DSCAM: variants seen among roughly 807,000 people sequenced by gnomAD.
DSCAM encodes cell adhesion molecule DSCAM.
A neutral mutation model predicts 217.7 loss-of-function variants in DSCAM; 47 were observed. That is an observed-to-expected ratio of 0.22 (90% CI 0.17 to 0.28). The LOEUF is 0.28. Ranked by LOEUF, DSCAM falls within the 10% of genes least tolerant of loss-of-function variation. The probability of loss-of-function intolerance (pLI) is 1.00; values close to 1 mark genes in which losing one functional copy is unlikely to be tolerated. For missense variants in DSCAM, 2,080 were observed against 2,618.3 expected, an observed-to-expected ratio of 0.79 and a Z score of 4.49; for synonymous variants, 1,056 against 1,015.3, an observed-to-expected ratio of 1.04 and a Z score of -0.76.
At chr21:40,436,248 C>A (rs1003515937) in intron 3 of DSCAM, among the ~76,000 whole-genome samples, 7 of 152,134 alleles carry the variant, frequency 4.6e-5, no homozygotes, top group Non-Finnish European at 8.8e-5. Context: ...TGATGTATTT[C>A]TTCATCTAAA....
intron 16 of DSCAM, among the ~76,000 whole-genome samples, chr21:40,161,309 G>A (rs2090538559): frequency 6.6e-6 from 1 of 151,866 alleles, no homozygotes; most frequent in Admixed American, 6.6e-5. Flanking sequence ...CATTCCAAAT[G>A]GTATAAATAA....
At chr21:40,139,880 T>A (rs2090267842) in intron 18 of DSCAM, among the ~76,000 whole-genome samples, 1 of 149,570 alleles carries the variant, frequency 6.7e-6, no homozygotes, top group Non-Finnish European at 1.5e-5. Context: ...GTGTTGTGTG[T>A]GCATGTGGGG....
intron 11 of DSCAM, among the ~76,000 whole-genome samples, chr21:40,219,446 A>G (rs1189145659): frequency 3.3e-5 from 5 of 152,360 alleles, no homozygotes; most frequent in Admixed American, 3.3e-4. Context: ...ATATTGAATT[A>G]GGCTGATGCA....
chr21:40,193,886 G>T (rs777330721), intron 11 of DSCAM, among the ~76,000 whole-genome samples: 15 of 152,136 alleles, frequency 9.9e-5, no homozygotes, highest in Non-Finnish European at 1.9e-4. Context: ...TGAAGTAAGG[G>T]TTTCTGTCCT....
chr21:40,440,343 C>T (rs1484419461), intron 3 of DSCAM, among the ~76,000 whole-genome samples: 2 of 152,150 alleles, frequency 1.3e-5, no homozygotes, highest in Admixed American at 6.5e-5. Context: ...AGGGCTACCC[C>T]ATATGGCAGG....
chr21:40,746,091 A>G lies in DSCAM; in HGVS notation c.44-37320T>C, dbSNP rs556929655. Among the ~76,000 whole-genome samples the G allele has an allele frequency of 1.1e-4, 16 of 151,932 alleles. No individual in the cohort carries two copies. The South Asian group carries it at 2.1e-3, about 20-fold the overall frequency. ...AATGAGCATGAAATCAAAACATACT[A>G]CTAGAAAAAAAAAATCTCTCAAGGA... On this transcript the variant is annotated intron_variant, in intron 1 of 32. Coordinates refer to ENST00000400454, the MANE Select transcript of DSCAM (RefSeq NM_001389.5).
At chr21:40,356,446 C>A (rs1027892096) in intron 4 of DSCAM, among the ~76,000 whole-genome samples, 20 of 150,236 alleles carry the variant, frequency 1.3e-4, no homozygotes, top group African/African-American at 4.9e-4. Context: ...TAAATATATA[C>A]AATTTTCATT....
intron 20 of DSCAM, among the ~76,000 whole-genome samples, chr21:40,101,392 G>C (rs2089748487): frequency 6.6e-6 from 1 of 152,158 alleles, no homozygotes; most frequent in African/African-American, 2.4e-5. Flanking sequence ...GAGAAGAACA[G>C]GGCTCTCTCT....
intron 1 of DSCAM, among the ~76,000 whole-genome samples, chr21:40,802,944 C>T (rs964819134): frequency 1.3e-5 from 2 of 152,154 alleles, no homozygotes; most frequent in African/African-American, 4.8e-5. Flanking sequence ...ACGCAGCTGA[C>T]CACACCTCAC....
chr21:40,298,534 T>C (rs1197217194), intron 9 of DSCAM, among the ~76,000 whole-genome samples: 1 of 152,194 alleles, frequency 6.6e-6, no homozygotes, highest in Non-Finnish European at 1.5e-5. Flanking sequence ...AATGAAAATA[T>C]ATTTAAAATA....
At chr21:40,676,650 A>C (rs143625892) in intron 3 of DSCAM, among the ~76,000 whole-genome samples, 2 of 152,206 alleles carry the variant, frequency 1.3e-5, no homozygotes, top group Non-Finnish European at 2.9e-5. Flanking sequence ...ATGGGGACAC[A>C]GTGTGGGACA....
chr21:40,462,838 G>A (rs2075816783), intron 3 of DSCAM, among the ~76,000 whole-genome samples: 1 of 152,130 alleles, frequency 6.6e-6, no homozygotes, highest in South Asian at 2.1e-4. Flanking sequence ...TCAGAGTTAG[G>A]TGCCACATGG....
rs576863264 is a variant in DSCAM at position 40,114,634 on chromosome 21, G to A, written c.3696+9561C>T. On this transcript the variant is annotated intron_variant, in intron 20 of 32. Coordinates refer to ENST00000400454, the MANE Select transcript of DSCAM (RefSeq NM_001389.5). ...CATCAGCGTGAACAGGCAACCTACA[G>A]AATGGGAGAAAATTTTTGCAATCTA... Among the ~76,000 whole-genome samples, 487 of 152,266 alleles carry A rather than the reference G, an allele frequency of 3.2e-3. 2 individuals are homozygous for A. Among genetic ancestry groups the A allele is most frequent in the African/African-American group, 0.011 (457 of 41,550 alleles).
At position 40,358,065 on chromosome 21, in the gene DSCAM, G is replaced by A. The variant is rs530350559; in HGVS notation, c.656-4322C>T. ...GCACAAAGATGTCACCCCTTTGGCA[G>A]GGGTGGCTGACAATAAACACCACAG... On this transcript the variant is annotated intron_variant, in intron 4 of 32. Transcript: ENST00000400454. Among the ~76,000 whole-genome samples the A allele has an allele frequency of 7.9e-5, 12 of 152,262 alleles. No homozygotes were observed. In the South Asian group the frequency reaches 2.5e-3, roughly 32 times the overall value.
chr21:40,339,266 G>T lies in DSCAM; in HGVS notation c.1360C>A (p.Arg454Ser), dbSNP rs770750774. 4 of 1,614,176 alleles carry T rather than the reference G, an allele frequency of 2.5e-6. No individual in the cohort carries two copies. The highest frequency in any genetic ancestry group is 3.4e-6 in the Non-Finnish European group (4 of 1,180,028). Reference sequence around the variant, plus strand: ...TCCGACGTGATCATCTGGCTGATGCGGTGACTGCCACCCTTGAGAATCGGG... The same window carrying T: ...TCCGACGTGATCATCTGGCTGATGCTGTGACTGCCACCCTTGAGAATCGGG... The part of the protein sequence containing the change: ...DDPILKGGSH[R>S]ISQMITSEGN... Residue 454 changes from arginine to serine, a missense_variant, in exon 7 of 33, where the codon CGC becomes AGC. Around this residue, in one of 5 missense-constraint regions of DSCAM, gnomAD observed 568 missense variants for 678.1 expected, o/e 0.84. Coordinates refer to ENST00000400454, the MANE Select transcript of DSCAM (RefSeq NM_001389.5).
intron 1 of DSCAM, among the ~76,000 whole-genome samples, chr21:40,839,348 G>A (rs770542103): frequency 8.5e-5 from 13 of 152,176 alleles, no homozygotes; most frequent in Non-Finnish European, 1.3e-4. Flanking sequence ...CTTTATTACT[G>A]AGATGTATGC....
chr21:40,373,114 CACA>C (rs1008481722), intron 3 of DSCAM, among the ~76,000 whole-genome samples: 6 of 152,150 alleles, frequency 3.9e-5, no homozygotes, highest in African/African-American at 9.7e-5. Flanking sequence ...GAAACTCAGG[CACA>C]ACACCATTTT....
intron 5 of DSCAM, among the ~76,000 whole-genome samples, chr21:40,349,784 G>A (rs148167473): frequency 1.3e-5 from 2 of 152,264 alleles, no homozygotes; most frequent in East Asian, 3.9e-4. Flanking sequence ...AGAAAGTGCT[G>A]AGCAGAGAAA....
chr21:40,314,648 A>G (rs1403030226), intron 8 of DSCAM, among the ~76,000 whole-genome samples: 4 of 152,212 alleles, frequency 2.6e-5, no homozygotes, highest in Non-Finnish European at 5.9e-5. Flanking sequence ...AAAGAAAATA[A>G]TTACATTTCC....
Sources: gnomAD v4.1 joint callset for allele counts (sites outside exome capture counted in the v4.1 genomes callset) on GRCh38, gnomAD v4.1.1 for gene constraint, gnomAD v4.1.1 regional missense constraint, MANE v1.5 for transcripts, NCBI Gene and HGNC (gene_info 2026-07-23, HGNC 2026-07-21) for gene names.